GPALPP1: variants seen among roughly 807,000 people sequenced by gnomAD.
GPALPP1 encodes GPALPP motifs-containing protein 1.
GPALPP1 carries 30 observed loss-of-function variants against 38.9 expected under a neutral mutation model. The observed-to-expected ratio is 0.77, with a 90% confidence interval of 0.58 to 1.05. The LOEUF (loss-of-function observed/expected upper bound fraction) is 1.05. GPALPP1 is among the 50% of genes least tolerant of loss of function. GPALPP1 has a pLI of 0.00. For missense variants in GPALPP1, 384 were observed against 408.8 expected (o/e 0.94, Z 0.52); for synonymous variants, 120 against 139.2 (o/e 0.86, Z 0.97).
chr13:45,010,478 A>G (rs1874391914), intron 4 of GPALPP1, among the ~76,000 whole-genome samples: 1 of 151,970 alleles, frequency 6.6e-6, no homozygotes, highest in South Asian at 2.1e-4. Flanking sequence ...AATAACAGAG[A>G]TTTTTTTTAT....
intron 6 of GPALPP1, among the ~76,000 whole-genome samples, chr13:45,019,089 GTATATATATT>G (rs557107532): frequency 0.019 from 2,136 of 110,580 alleles, 69 homozygotes; most frequent in African/African-American, 0.047. Flanking sequence ...ATAAATATAT[GTATATATATT>G]TATATATATT....
intron 6 of GPALPP1, among the ~76,000 whole-genome samples, chr13:45,019,987 C>T (rs762697782): frequency 3.5e-4 from 50 of 143,330 alleles, no homozygotes; most frequent in African/African-American, 6.3e-4. Context: ...CAGATTCAAG[C>T]GATTCTCCTG....
At chr13:45,022,270 A>G (rs1218743104) in intron 7 of GPALPP1, among the ~76,000 whole-genome samples, 2 of 152,154 alleles carry the variant, frequency 1.3e-5, no homozygotes, top group Non-Finnish European at 2.9e-5. Flanking sequence ...AAAAAAATCA[A>G]TGCTGATAGT....
chr13:45,013,401 GA>G (rs1327754686), intron 4 of GPALPP1, among the ~76,000 whole-genome samples: 1 of 152,170 alleles, frequency 6.6e-6, no homozygotes, highest in Non-Finnish European at 1.5e-5. Flanking sequence ...GTAGAGAAAG[GA>G]AAATCTCTAC....
chr13:44,997,228 C>T (rs150344660), intron 1 of GPALPP1, among the ~76,000 whole-genome samples: 18 of 152,176 alleles, frequency 1.2e-4, no homozygotes, highest in African/African-American at 3.6e-4. Flanking sequence ...GTTCCTCACA[C>T]TCTGCTGTCC....
intron 6 of GPALPP1, among the ~76,000 whole-genome samples, chr13:45,019,072 TATACATATAAA>T (rs1875164723): frequency 7.3e-6 from 1 of 137,106 alleles, no homozygotes; most frequent in Non-Finnish European, 1.6e-5. Flanking sequence ...CATATAAATA[TATACATATAAA>T]TATATGTATA....
At chr13:45,032,935 G>A (rs1465633110), downstream of GPALPP1, among the ~76,000 whole-genome samples, 3 of 151,540 alleles carry the variant, frequency 2.0e-5, no homozygotes, top group Non-Finnish European at 2.9e-5. Context: ...TACTCGGGAG[G>A]CTGAGGCAGA....
intron 3 of GPALPP1, 52 bp from the exon 4 acceptor site, chr13:45,008,743 T>A (rs73181513): frequency 0.041 from 38,786 of 940,586 alleles, 1,432 homozygotes; most frequent in East Asian, 0.13. Context: ...TTTATTCTTA[T>A]AACTGCTTTT....
chr13:45,017,444 G>C (rs886509382), intron 6 of GPALPP1, among the ~76,000 whole-genome samples: 1 of 152,178 alleles, frequency 6.6e-6, no homozygotes, highest in Admixed American at 6.5e-5. Flanking sequence ...AACCTTGAAA[G>C]GGTGGTGTTG....
chr13:44,991,777 T>C (rs781644535), intron 1 of GPALPP1, among the ~76,000 whole-genome samples: 17 of 152,218 alleles, frequency 1.1e-4, no homozygotes, highest in Non-Finnish European at 2.5e-4. Flanking sequence ...GGTAACTGCT[T>C]CCTTGATTTA....
At chr13:45,004,561 G>T (rs1285948516) in intron 2 of GPALPP1, 124 bp downstream of exon 2, 4 of 615,460 alleles carry the variant, frequency 6.5e-6, no homozygotes, top group Non-Finnish European at 1.1e-5. Context: ...AAATCATTTT[G>T]TGTGGCATTT....
chr13:45,000,258 A>C (rs986244308), intron 1 of GPALPP1, among the ~76,000 whole-genome samples: 1 of 152,150 alleles, frequency 6.6e-6, no homozygotes, highest in Non-Finnish European at 1.5e-5. Flanking sequence ...TCTCAAAAAA[A>C]TAAATAAAAT....
At chr13:45,030,855 G>C (rs540186355), downstream of GPALPP1, 20 of 152,200 alleles carry the variant, frequency 1.3e-4, no homozygotes, top group Non-Finnish European at 2.4e-4. Context: ...AAGGAGCATT[G>C]CTATTAAAAA....
chr13:45,001,050 C>T (rs901193000), intron 1 of GPALPP1, among the ~76,000 whole-genome samples: 3 of 152,190 alleles, frequency 2.0e-5, no homozygotes, highest in Non-Finnish European at 4.4e-5. Context: ...CCACCCAAAT[C>T]TCATCTTGAA....
At chr13:44,992,836 C>T (rs1872912709) in intron 1 of GPALPP1, among the ~76,000 whole-genome samples, 1 of 152,138 alleles carries the variant, frequency 6.6e-6, no homozygotes, top group African/African-American at 2.4e-5. Flanking sequence ...GCATATAGGT[C>T]AGTGGCACTT....
At position 45,024,262 on chromosome 13, in the gene GPALPP1, C is replaced by CTGTGTGTG. The variant is rs34572145; in HGVS notation, c.805-3483_805-3476dup. On this transcript the variant is annotated intron_variant, in intron 7 of 7. Transcript: ENST00000379151. Reference sequence around the variant, plus strand: ...TTTTTGCTTGGTATCCCCTAAAACTCTGTGTGTGTGTGTGTGTGTGTGTGT... The same window carrying CTGTGTGTG: ...TTTTTGCTTGGTATCCCCTAAAACTCTGTGTGTGTGTGTGTGTGTGTGTGTGTGTGTGT... Among the ~76,000 whole-genome samples, 16 of 24,234 alleles carry CTGTGTGTG rather than the reference C, an allele frequency of 6.6e-4. 1 individual carries two copies. Among genetic ancestry groups the CTGTGTGTG allele is most frequent in the East Asian group, 3.9e-3 (2 of 518 alleles). 15.9% of individuals were successfully genotyped at this position (24,234 alleles called of 152,430 possible).
chr13:45,029,118 A>G lies in GPALPP1; in HGVS notation c.*1115A>G, dbSNP rs1876052160. ...ACATAAAAGCTGAGGTTGCTTCTTA[A>G]TATCTTTATGATTTTTAATTGTATT... On this transcript the variant is annotated 3_prime_UTR_variant, in exon 8 of 8. Coordinates refer to ENST00000379151, the MANE Select transcript of GPALPP1 (RefSeq NM_018559.5). 1 of 152,136 alleles carries G rather than the reference A, an allele frequency of 6.6e-6. No homozygotes were observed. Among genetic ancestry groups the G allele is most frequent in the Non-Finnish European group, 1.5e-5 (1 of 68,012 alleles). 9.4% of individuals were successfully genotyped at this position (152,136 alleles called of 1,614,324 possible).
At chr13:45,024,262 CTGTGTGTGTGTGTGTGTG>C (rs34572145) in intron 7 of GPALPP1, among the ~76,000 whole-genome samples, 25 of 24,258 alleles carry the variant, frequency 1.0e-3, no homozygotes, top group African/African-American at 3.4e-3. Flanking sequence ...CCCTAAAACT[CTGTGTGTGTGTGTGTGTG>C]TGTGTGTGTG....
intron 2 of GPALPP1, among the ~76,000 whole-genome samples, chr13:45,005,490 T>C (rs1874024022): frequency 6.6e-6 from 1 of 152,196 alleles, no homozygotes; most frequent in Admixed American, 6.5e-5. Context: ...ACAAGCTTTT[T>C]TGATTCATTT....
Sources: gnomAD v4.1 joint callset for allele counts (sites outside exome capture counted in the v4.1 genomes callset) on GRCh38, gnomAD v4.1.1 for gene constraint, MANE v1.5 for transcripts, NCBI Gene and HGNC (gene_info 2026-07-23, HGNC 2026-07-21) for gene names.